Variants in LOC128125817 observed in about 807,000 individuals in gnomAD.
chr1:41,587,003 T>C, the LOC128125817 span, among the ~76,000 whole-genome samples: 1 of 152,044 alleles, frequency 6.6e-6, no homozygotes, highest in East Asian at 1.9e-4. Context: ...ACTTATGGTG[T>C]TTCTATAATT....
the LOC128125817 span, chr1:41,628,676 C>T: frequency 9.2e-7 from 1 of 1,086,326 alleles, no homozygotes. Context: ...AGAGGAAGAA[C>T]TAAGCAAGCT....
chr1:41,605,123 AG>A, the LOC128125817 span, among the ~76,000 whole-genome samples: 2 of 113,954 alleles, frequency 1.8e-5, no homozygotes, highest in South Asian at 3.6e-4. Context: ...AAAAAAAAAA[AG>A]AGAAAGGGAA....
chr1:41,616,446 G>A, the LOC128125817 span, among the ~76,000 whole-genome samples: 99 of 152,288 alleles, frequency 6.5e-4, no homozygotes, highest in East Asian at 0.016. Context: ...GACGCACAGA[G>A]TCTCAGAGTC....
the LOC128125817 span, among the ~76,000 whole-genome samples, chr1:41,592,577 C>T: frequency 1.3e-5 from 2 of 152,174 alleles, no homozygotes; most frequent in Non-Finnish European, 2.9e-5. Context: ...TAAAAGGCAA[C>T]CCTCCCCGTG....
the LOC128125817 span, among the ~76,000 whole-genome samples, chr1:41,605,183 G>GAGGGA: frequency 0.068 from 7,836 of 115,426 alleles, 350 homozygotes; most frequent in Middle Eastern, 0.11. Flanking sequence ...GAGGGGAGGG[G>GAGGGA]AGGGAAGGGA....
At chr1:41,594,792 T>C in the LOC128125817 span, among the ~76,000 whole-genome samples, 2 of 152,330 alleles carry the variant, frequency 1.3e-5, no homozygotes, top group Admixed American at 1.3e-4. Flanking sequence ...CCAATATTAC[T>C]TTTTAGAATG....
At chr1:41,612,768 G>A in the LOC128125817 span, among the ~76,000 whole-genome samples, 3 of 152,202 alleles carry the variant, frequency 2.0e-5, no homozygotes, top group African/African-American at 7.2e-5. Context: ...TCAGGGCCTA[G>A]AATCATCACC....
chr1:41,613,026 C>G, the LOC128125817 span, among the ~76,000 whole-genome samples: 1 of 152,242 alleles, frequency 6.6e-6, no homozygotes, highest in South Asian at 2.1e-4. Context: ...AAGGAAGCTC[C>G]AAGGGACCTG....
At chr1:41,598,610 T>C in the LOC128125817 span, among the ~76,000 whole-genome samples, 1 of 152,186 alleles carries the variant, frequency 6.6e-6, no homozygotes, top group African/African-American at 2.4e-5. Flanking sequence ...ATTTCTTCAT[T>C]TCTCCACTCA....
chr1:41,610,391 G>A, the LOC128125817 span, among the ~76,000 whole-genome samples: 1 of 152,316 alleles, frequency 6.6e-6, no homozygotes, highest in African/African-American at 2.4e-5. Context: ...GTTCTTTTAG[G>A]CCAAGGAGCC....
the LOC128125817 span, among the ~76,000 whole-genome samples, chr1:41,617,432 T>G: frequency 6.6e-6 from 1 of 152,216 alleles, no homozygotes; most frequent in Admixed American, 6.5e-5. Context: ...ACCCTTTTTC[T>G]CCAGACAACC....
chr1:41,607,611 C>G, the LOC128125817 span, among the ~76,000 whole-genome samples: 2 of 148,192 alleles, frequency 1.3e-5, no homozygotes, highest in Non-Finnish European at 3.0e-5. Flanking sequence ...TTTCTTTTTT[C>G]CATTTTAGGC....
At chr1:41,595,133 G>A in the LOC128125817 span, among the ~76,000 whole-genome samples, 4 of 152,114 alleles carry the variant, frequency 2.6e-5, no homozygotes, top group Non-Finnish European at 5.9e-5. Flanking sequence ...TGTAAATCTG[G>A]CATATACTTT....
At chr1:41,620,747 T>G in the LOC128125817 span, among the ~76,000 whole-genome samples, 1 of 152,170 alleles carries the variant, frequency 6.6e-6, no homozygotes, top group African/African-American at 2.4e-5. Context: ...ACCTCTAAAC[T>G]CCACTCTCCT....
At chr1:41,624,499 G>A in the LOC128125817 span, among the ~76,000 whole-genome samples, 1 of 151,860 alleles carries the variant, frequency 6.6e-6, no homozygotes, top group Non-Finnish European at 1.5e-5. Context: ...CTTCACCGTT[G>A]AAATGTATCT....
the LOC128125817 span, among the ~76,000 whole-genome samples, chr1:41,596,990 T>A: frequency 6.6e-6 from 1 of 152,176 alleles, no homozygotes; most frequent in Non-Finnish European, 1.5e-5. Flanking sequence ...TTTCCCTCAA[T>A]AATGAATGGT....
At chr1:41,597,266 C>T in the LOC128125817 span, among the ~76,000 whole-genome samples, 1 of 152,182 alleles carries the variant, frequency 6.6e-6, no homozygotes, top group South Asian at 2.1e-4. Context: ...AGAATGAAGT[C>T]TCCTGTGACA....
At chr1:41,593,975 C>T in the LOC128125817 span, among the ~76,000 whole-genome samples, 1 of 152,166 alleles carries the variant, frequency 6.6e-6, no homozygotes, top group African/African-American at 2.4e-5. Flanking sequence ...TGGTAACAGC[C>T]AGCCGCATCT....
chr1:41,619,187 G>C, the LOC128125817 span, among the ~76,000 whole-genome samples: 1 of 151,970 alleles, frequency 6.6e-6, no homozygotes, highest in African/African-American at 2.4e-5. Context: ...TTCCCAGCAG[G>C]CTGATCTTGC....
Sources: gnomAD v4.1 joint callset for allele counts (sites outside exome capture counted in the v4.1 genomes callset) on GRCh38, gnomAD v4.1.1 for gene constraint, MANE v1.5 for transcripts.